KCND2: variants seen among roughly 807,000 people sequenced by gnomAD.
KCND2 encodes the protein A-type voltage-gated potassium channel KCND2.
A neutral mutation model predicts 54.4 loss-of-function variants in KCND2; 16 were observed. The ratio of observed to expected loss-of-function variants is 0.29; its 90% CI spans 0.20 to 0.45. The LOEUF (loss-of-function observed/expected upper bound fraction) is 0.45, where lower values mean the gene tolerates loss of function less well. Ranked by LOEUF, KCND2 falls within the 20% of genes least tolerant of loss-of-function variation. The pLI is 1.00. For missense variants in KCND2, 486 were observed against 824.2 expected (o/e 0.59, Z 5.02); for synonymous variants, 317 against 310.7 (o/e 1.02, Z -0.21).
intron 1 of KCND2, among the ~76,000 whole-genome samples, chr7:120,366,639 G>A (rs559797510): frequency 2.6e-5 from 4 of 152,064 alleles, no homozygotes; most frequent in South Asian, 2.1e-4. Flanking sequence ...GCTGCTCCCC[G>A]CGTTCCTGCT....
intron 4 of KCND2, among the ~76,000 whole-genome samples, chr7:120,745,385 A>G (rs960372483): frequency 2.0e-5 from 3 of 152,248 alleles, no homozygotes; most frequent in Non-Finnish European, 4.4e-5. Context: ...ATTTTCCATA[A>G]CTTCAACCTT....
intron 1 of KCND2, among the ~76,000 whole-genome samples, chr7:120,352,459 T>TATACAC (rs1299014135): frequency 9.4e-5 from 14 of 148,218 alleles, no homozygotes; most frequent in African/African-American, 3.5e-4. Context: ...CACACATACA[T>TATACAC]ACACACACAC....
intron 1 of KCND2, among the ~76,000 whole-genome samples, chr7:120,553,111 T>C (rs1792122103): frequency 6.6e-6 from 1 of 152,196 alleles, no homozygotes; most frequent in African/African-American, 2.4e-5. Flanking sequence ...AACATGTTCC[T>C]CCTACAACCA....
chr7:120,703,811 G>A (rs893037651), intron 1 of KCND2, among the ~76,000 whole-genome samples: 4 of 152,164 alleles, frequency 2.6e-5, no homozygotes, highest in African/African-American at 9.7e-5. Context: ...AACAAGGGCT[G>A]TGACATGGCT....
At chr7:120,453,622 A>G (rs144621245) in intron 1 of KCND2, among the ~76,000 whole-genome samples, 8 of 152,334 alleles carry the variant, frequency 5.3e-5, no homozygotes, top group Admixed American at 1.3e-4. Context: ...AAATCACTCA[A>G]AACCATACAA....
At chr7:120,607,159 AAAGCT>A (rs1283430558) in intron 1 of KCND2, among the ~76,000 whole-genome samples, 1 of 149,136 alleles carries the variant, frequency 6.7e-6, no homozygotes, top group African/African-American at 2.5e-5. Flanking sequence ...AAAACACCAG[AAAGCT>A]AATTTTTCTT....
intron 1 of KCND2, among the ~76,000 whole-genome samples, chr7:120,728,888 A>C (rs1792770573): frequency 6.6e-6 from 1 of 152,214 alleles, no homozygotes; most frequent in Non-Finnish European, 1.5e-5. Flanking sequence ...GAATATAAAT[A>C]ATAAAGTACC....
chr7:120,327,882 A>G (rs1800002058), intron 1 of KCND2, among the ~76,000 whole-genome samples: 1 of 152,192 alleles, frequency 6.6e-6, no homozygotes, highest in Middle Eastern at 3.4e-3. Flanking sequence ...TATTTATTCT[A>G]TAAGATGTTC....
At chr7:120,345,759 G>A (rs546771586) in intron 1 of KCND2, among the ~76,000 whole-genome samples, 3 of 152,292 alleles carry the variant, frequency 2.0e-5, no homozygotes, top group South Asian at 4.1e-4. Context: ...GATGGACACA[G>A]GGTTGCTTTC....
chr7:120,517,362 T>C (rs1419545005), intron 1 of KCND2, among the ~76,000 whole-genome samples: 1 of 152,110 alleles, frequency 6.6e-6, no homozygotes, highest in Middle Eastern at 3.2e-3. Flanking sequence ...TCTATGACTA[T>C]TTCTGTAACT....
chr7:120,451,149 C>T (rs1316791181), intron 1 of KCND2, among the ~76,000 whole-genome samples: 1 of 152,142 alleles, frequency 6.6e-6, no homozygotes, highest in Non-Finnish European at 1.5e-5. Context: ...TTTTCCACTG[C>T]TGCATGTAAC....
chr7:120,376,652 G>A (rs965885797), intron 1 of KCND2, among the ~76,000 whole-genome samples: 9 of 151,420 alleles, frequency 5.9e-5, no homozygotes, highest in South Asian at 2.1e-4. Context: ...GAACTGAATG[G>A]TGATATTTAG....
intron 1 of KCND2, among the ~76,000 whole-genome samples, chr7:120,359,917 G>C (rs115586624): frequency 6.6e-6 from 1 of 151,992 alleles, no homozygotes; most frequent in Non-Finnish European, 1.5e-5. Flanking sequence ...CATGTAAGCC[G>C]TGCCTGCTTC....
chr7:120,348,285 T>A, intron 1 of KCND2, among the ~76,000 whole-genome samples: 1 of 152,136 alleles, frequency 6.6e-6, no homozygotes, highest in East Asian at 1.9e-4. Context: ...TTTTCCTCCC[T>A]AAACAAGCTG....
chr7:120,389,416 A>G (rs1370814839), intron 1 of KCND2, among the ~76,000 whole-genome samples: 1 of 151,830 alleles, frequency 6.6e-6, no homozygotes, highest in Non-Finnish European at 1.5e-5. Flanking sequence ...TTTCTAGTAT[A>G]TAGTACAATA....
rs200940670 is a variant in KCND2 at position 120,618,548 on chromosome 7, CT to C, written c.1116-114345del. Among the ~76,000 whole-genome samples the C allele has an allele frequency of 4.9e-4, 72 of 146,106 alleles. No homozygotes were observed. The East Asian group carries it at 7.2e-3, about 15-fold the overall frequency. ...TCCAATTGTTAATATAATTAACACT[CT>C]TTTTTTTTTAAAGACAGCCATTGTT... On this transcript the variant is annotated intron_variant, in intron 1 of 5. Transcript: ENST00000331113.
intron 1 of KCND2, among the ~76,000 whole-genome samples, chr7:120,616,827 A>G (rs1032444449): frequency 1.3e-5 from 2 of 152,146 alleles, no homozygotes; most frequent in Admixed American, 1.3e-4. Context: ...TTCAGACCTT[A>G]AGGCATAATC....
At chr7:120,476,255 A>G (rs1056218646) in intron 1 of KCND2, among the ~76,000 whole-genome samples, 2 of 152,236 alleles carry the variant, frequency 1.3e-5, no homozygotes, top group African/African-American at 4.8e-5. Flanking sequence ...CTGTGTTATT[A>G]GTCTCTATTT....
intron 1 of KCND2, among the ~76,000 whole-genome samples, chr7:120,473,419 T>TG (rs906965364): frequency 1.3e-5 from 2 of 152,202 alleles, no homozygotes; most frequent in African/African-American, 4.8e-5. Context: ...TGTCTCTGAC[T>TG]GAAGGGGTTT....
Sources: gnomAD v4.1 joint callset for allele counts (sites outside exome capture counted in the v4.1 genomes callset) on GRCh38, gnomAD v4.1.1 for gene constraint, MANE v1.5 for transcripts, NCBI Gene and HGNC (gene_info 2026-07-23, HGNC 2026-07-21) for gene names.